The following SNX32 variants were observed in gnomAD, a reference collection of about 807,000 sequenced individuals.
SNX32 encodes the protein sorting nexin-32.
Under a neutral mutation model 57.0 loss-of-function variants are expected in SNX32, and 58 were observed. That is an observed-to-expected ratio of 1.02 (90% CI 0.82 to 1.27). The LOEUF (loss-of-function observed/expected upper bound fraction) is 1.27, where lower values mean the gene tolerates loss of function less well. Among genes scored for constraint, SNX32 ranks in the 50% most tolerant of loss-of-function variants. The pLI is 0.00. For synonymous variants in SNX32, 262 were observed against 220.4 expected, an observed-to-expected ratio of 1.19 and a Z score of -1.67; for missense variants, 589 against 541.2, an observed-to-expected ratio of 1.09 and a Z score of -0.88.
In SNX32 at chr11:65,850,792, G is replaced by A; in HGVS notation, c.540G>A (p.Gly180=). 1 of 1,614,100 alleles carries A rather than the reference G, an allele frequency of 6.2e-7. No homozygotes were observed. Among genetic ancestry groups the A allele is most frequent in the Non-Finnish European group, 8.5e-7 (1 of 1,180,010 alleles). Residue 180 remains glycine (G), a synonymous_variant, in exon 6 of 13, where the codon GGG becomes GGA. Coordinates refer to ENST00000308342, the MANE Select transcript of SNX32 (RefSeq NM_152760.3). ...AGAACAGGAAGGAGCTCCTCGGAGGGTTTCTGAGGAATATTGTGAAGTCCG... is the reference window on the plus strand; with the variant it reads ...AGAACAGGAAGGAGCTCCTCGGAGGATTTCTGAGGAATATTGTGAAGTCCG... The part of the protein sequence containing the change: ...RGKNRKELLG[G]FLRNIVKSAD...
At chr11:65,834,263 CTGTG>C (rs1858588686) in intron 1 of SNX32, among the ~76,000 whole-genome samples, 162 bp downstream of exon 1, 1 of 150,020 alleles carries the variant, frequency 6.7e-6, no homozygotes, top group African/African-American at 2.5e-5. Context: ...GTCTGTTTCT[CTGTG>C]TGTCTGTGTG....
chr11:65,852,711 CG>C lies in SNX32; in HGVS notation c.997del (p.Glu333ArgfsTer58). Reference protein sequence around the residue: ...KALDKARTRNREVRPAESHQQ... With the variant: ...KALDKARTRNXEVRPAESHQQ... The stretch of plus-strand genomic sequence containing the variant: ...GCTGGACAAGGCGCGCACCAGGAAC[CG>C]GGAGGTGCGGCCCGCCGAGAGCCAC... On this transcript the variant is annotated frameshift_variant, in exon 11 of 13. Coordinates refer to ENST00000308342, the MANE Select transcript of SNX32 (RefSeq NM_152760.3). LOFTEE classifies it high-confidence loss of function. 1 of 1,598,760 alleles carries C rather than the reference CG, an allele frequency of 6.3e-7. No homozygotes were observed. The highest frequency in any genetic ancestry group is 1.7e-4 in the Middle Eastern group (1 of 6,050).
rs768586335 is a variant in SNX32, at chr11:65,850,427, G to T, written c.375-4G>T. ...GGGCCGGTGAGCTGCTGCCACTCTCGCAGGGAGTACCTGGCCATCTTTAAG... is the reference window on the plus strand; with the variant it reads ...GGGCCGGTGAGCTGCTGCCACTCTCTCAGGGAGTACCTGGCCATCTTTAAG... On this transcript the variant is annotated splice_region_variant and splice_polypyrimidine_tract_variant and intron_variant, in intron 4 of 12. Transcript: ENST00000308342. 2 of 1,614,122 alleles carry T rather than the reference G, an allele frequency of 1.2e-6. No individual in the cohort carries two copies. Among genetic ancestry groups the T allele is most frequent in the Non-Finnish European group, 1.7e-6 (2 of 1,179,980 alleles).
Position 65,845,898 on chromosome 11 carries a change from A to C in SNX32, c.37-3580A>C, listed in dbSNP as rs1296875388. Among the ~76,000 whole-genome samples, 4 of 152,226 alleles carry C rather than the reference A, an allele frequency of 2.6e-5. No homozygotes were observed. The East Asian group carries it at 7.7e-4, about 29-fold the overall frequency. On this transcript the variant is annotated intron_variant, in intron 1 of 12. Transcript: ENST00000308342. ...AAAATAACTGCTTCTCCACTCAACAACGTAGAGAGCTCTCTAAAGAACAGG... is the reference window on the plus strand; with the variant it reads ...AAAATAACTGCTTCTCCACTCAACACCGTAGAGAGCTCTCTAAAGAACAGG...
At chr11:65,834,971 C>T (rs1858624336) in intron 1 of SNX32, among the ~76,000 whole-genome samples, 1 of 147,210 alleles carries the variant, frequency 6.8e-6, no homozygotes, top group Non-Finnish European at 1.5e-5. Flanking sequence ...TGTGTATGAT[C>T]TGTGTATGTC....
chr11:65,851,817 C>T lies in SNX32; in HGVS notation c.825+138C>T, dbSNP rs1038751922. ...CCAGTGGCAAGTTGGGCTTACACTC[C>T]AGACTAGTTTAACAAAAGGTGGGGT... On this transcript the variant is annotated intron_variant, in intron 9 of 12. Coordinates refer to ENST00000308342, the MANE Select transcript of SNX32 (RefSeq NM_152760.3). The T allele has an allele frequency of 3.2e-5, 29 of 920,582 alleles. No homozygotes were observed. In the African/African-American group the frequency reaches 4.4e-4, roughly 14 times the overall value. 57.0% of individuals were successfully genotyped at this position (920,582 alleles called of 1,614,324 possible).
intron 1 of SNX32, among the ~76,000 whole-genome samples, chr11:65,837,777 G>A (rs1406075491): frequency 8.2e-6 from 1 of 121,220 alleles, no homozygotes; most frequent in South Asian, 2.8e-4. Flanking sequence ...CCAAGATCTC[G>A]CCACTGTACT....
intron 2 of SNX32, 84 bp from the exon 3 acceptor site, chr11:65,849,836 G>C: frequency 3.6e-6 from 4 of 1,110,980 alleles, no homozygotes; most frequent in Non-Finnish European, 5.2e-6. Flanking sequence ...TGTGGGATGA[G>C]GGGGGCCCAA....
At chr11:65,836,218 G>A (rs1480165464) in intron 1 of SNX32, among the ~76,000 whole-genome samples, 1 of 151,984 alleles carries the variant, frequency 6.6e-6, no homozygotes, top group African/African-American at 2.4e-5. Flanking sequence ...GAATATATAA[G>A]CAAAAATATA....
intron 6 of SNX32, 38 bp downstream of exon 6, chr11:65,850,893 C>A: frequency 1.3e-6 from 2 of 1,579,022 alleles, no homozygotes; most frequent in Non-Finnish European, 8.7e-7. Context: ...CAACCCAGCA[C>A]CTCAAGTCCA....
chr11:65,835,763 G>C (rs887842446), intron 1 of SNX32: 1 of 152,382 alleles, frequency 6.6e-6, no homozygotes, highest in Non-Finnish European at 1.5e-5. Context: ...CATGTGTTTG[G>C]GGTCTGGGGC....
intron 1 of SNX32, among the ~76,000 whole-genome samples, chr11:65,847,842 A>T (rs1859044506): frequency 6.6e-6 from 1 of 152,068 alleles, no homozygotes; most frequent in Non-Finnish European, 1.5e-5. Flanking sequence ...CTTGGGAGGC[A>T]GAGTTTGCAG....
At chr11:65,843,431 T>G (rs1055004080) in intron 1 of SNX32, among the ~76,000 whole-genome samples, 13 of 150,266 alleles carry the variant, frequency 8.7e-5, no homozygotes, top group Non-Finnish European at 1.8e-4. Flanking sequence ...TAGCCAGGCG[T>G]TGTGGCGGGC....
At chr11:65,851,774 T>C in intron 9 of SNX32, 95 bp downstream of exon 9, 1 of 1,422,090 alleles carries the variant, frequency 7.0e-7, no homozygotes, top group Non-Finnish European at 9.9e-7. Context: ...TCATCTTGGG[T>C]TCAGTGATAA....
intron 1 of SNX32, among the ~76,000 whole-genome samples, chr11:65,840,724 A>G (rs1416464501): frequency 1.3e-5 from 2 of 151,940 alleles, no homozygotes; most frequent in East Asian, 3.9e-4. Context: ...GGATCCCTTG[A>G]GCCTGGGAGT....
chr11:65,846,990 A>T (rs955331776), intron 1 of SNX32, among the ~76,000 whole-genome samples: 9 of 146,768 alleles, frequency 6.1e-5, no homozygotes, highest in African/African-American at 2.2e-4. Flanking sequence ...TTTCAAAAAA[A>T]AAAATTTAGC....
intron 1 of SNX32, among the ~76,000 whole-genome samples, chr11:65,838,087 C>T (rs1466564776): frequency 2.0e-5 from 3 of 150,894 alleles, no homozygotes; most frequent in South Asian, 2.1e-4. Context: ...ACCTGGGAGG[C>T]GGAGGTTGCA....
At chr11:65,838,178 G>A (rs376292241) in intron 1 of SNX32, among the ~76,000 whole-genome samples, 2 of 149,632 alleles carry the variant, frequency 1.3e-5, no homozygotes. Flanking sequence ...AAGAAGGAAA[G>A]AAAGAAGGAA....
intron 8 of SNX32, 35 bp downstream of exon 8, chr11:65,851,438 G>C (rs1274155159): frequency 1.2e-6 from 2 of 1,608,140 alleles, no homozygotes; most frequent in Non-Finnish European, 1.7e-6. Context: ...CTCTCCCTGT[G>C]CCTGTAATAC....
Sources: allele counts gnomAD v4.1 joint callset (sites outside exome capture counted in the v4.1 genomes callset), GRCh38; gene constraint gnomAD v4.1.1; transcripts MANE v1.5; gene names NCBI Gene and HGNC (gene_info 2026-07-23, HGNC 2026-07-21).